Variants in COL12A1 observed in about 807,000 individuals in gnomAD.
COL12A1 encodes the protein collagen alpha-1(XII) chain.
In COL12A1, 114 loss-of-function variants were observed where a neutral mutation model predicts 349.7. The ratio of observed to expected loss-of-function variants is 0.33; its 90% CI spans 0.28 to 0.38. The LOEUF (loss-of-function observed/expected upper bound fraction) is 0.38, where lower values mean the gene tolerates loss of function less well. COL12A1 is among the 10% of genes least tolerant of loss of function. The probability of loss-of-function intolerance (pLI) is 1.00; values close to 1 mark genes in which losing one functional copy is unlikely to be tolerated. For missense variants in COL12A1, 3,284 were observed against 3,756.9 expected, an observed-to-expected ratio of 0.87 and a Z score of 3.29; for synonymous variants, 1,369 against 1,329.0, an observed-to-expected ratio of 1.03 and a Z score of -0.66.
intron 3 of COL12A1, among the ~76,000 whole-genome samples, chr6:75,194,481 C>T (rs1770116878): frequency 6.6e-6 from 1 of 152,018 alleles, no homozygotes; most frequent in Non-Finnish European, 1.5e-5. Flanking sequence ...TCAGCTGATA[C>T]TTTAAATGTT....
Position 75,131,949 on chromosome 6 carries a change from G to C in COL12A1, c.5928C>G (p.Pro1976=). Residue 1976 remains proline (P), a synonymous_variant, in exon 35 of 66, where the codon CCC becomes CCG. Coordinates refer to ENST00000322507, the MANE Select transcript of COL12A1 (RefSeq NM_004370.6). ...VVYSPVDGTR[P]SESIVVPGNT... is the part of the protein sequence containing the mutation. ...TGACAAAATTACTTACAGATTCTGA[G>C]GGTCTTGTGCCATCCACAGGAGAAT... 6.2e-7 allele frequency: 1 copy of C among 1,613,592 alleles called. No individual in the cohort carries two copies. Among genetic ancestry groups the C allele is most frequent in the East Asian group, 2.2e-5 (1 of 44,854 alleles).
At chr6:75,136,674 T>C (rs1006824435) in intron 31 of COL12A1, among the ~76,000 whole-genome samples, 2 of 152,208 alleles carry the variant, frequency 1.3e-5, no homozygotes, top group African/African-American at 4.8e-5. Flanking sequence ...GAGATTTATT[T>C]TGAAATGAAT....
In COL12A1 at chr6:75,138,940, T is replaced by A. The variant is rs1766759660; in HGVS notation, c.4979A>T (p.Asn1660Ile). 2 of 1,614,038 alleles carry A rather than the reference T, an allele frequency of 1.2e-6. No individual in the cohort carries two copies. The highest frequency in any genetic ancestry group is 8.5e-7 in the Non-Finnish European group (1 of 1,179,934). Residue 1660 changes from asparagine to isoleucine, a missense_variant, in exon 28 of 66, where the codon AAC (asparagine) becomes ATC (isoleucine). Around this residue, in one of 2 missense-constraint regions of COL12A1, gnomAD observed 2,601 missense variants for 2,824.8 expected, o/e 0.92. Transcript: ENST00000322507. ...ETTRPVPAPT[N>I]LKITEVTSEG... ...TGATGTTACTTCAGTAATCTTTAAG[T>A]TTGTTGGGGCTGGCACGGGTCCTAT... is the stretch of plus-strand genomic sequence containing the variant.
chr6:75,121,922 T>C (rs1765752356), intron 43 of COL12A1, among the ~76,000 whole-genome samples: 1 of 151,446 alleles, frequency 6.6e-6, no homozygotes, highest in African/African-American at 2.4e-5. Context: ...AGTGGTGTGA[T>C]GATCTTGGCT....
intron 13 of COL12A1, among the ~76,000 whole-genome samples, chr6:75,169,078 C>T (rs1375258966): frequency 1.3e-5 from 2 of 152,096 alleles, no homozygotes; most frequent in African/African-American, 4.8e-5. Context: ...CATCTTGTCT[C>T]GACAGGAAAT....
intron 49 of COL12A1, among the ~76,000 whole-genome samples, chr6:75,114,924 T>C (rs1769003771): frequency 6.6e-6 from 1 of 152,086 alleles, no homozygotes; most frequent in Non-Finnish European, 1.5e-5. Context: ...AATCATACGC[T>C]GAGCTGACTG....
intron 11 of COL12A1, among the ~76,000 whole-genome samples, chr6:75,180,571 C>CATATATATATATATATATAT (rs1014346865): frequency 6.6e-6 from 1 of 150,728 alleles, no homozygotes; most frequent in African/African-American, 2.5e-5. Flanking sequence ...CCTATATATA[C>CATATATATATATATATATAT]ATATATATAT....
chr6:75,129,850 T>G (rs1397957126), intron 37 of COL12A1, among the ~76,000 whole-genome samples: 2 of 152,226 alleles, frequency 1.3e-5, no homozygotes, highest in Non-Finnish European at 2.9e-5. Flanking sequence ...TGTGATAAGA[T>G]AGTTTTTCTA....
At chr6:75,141,725 G>A (rs1031549720) in intron 27 of COL12A1, among the ~76,000 whole-genome samples, 3 of 152,060 alleles carry the variant, frequency 2.0e-5, no homozygotes, top group African/African-American at 4.8e-5. Flanking sequence ...TGCAACATAC[G>A]TCAAGAAAAC....
In COL12A1 at chr6:75,142,154, AC is replaced by A. The variant is rs1334083083; in HGVS notation, c.4834del (p.Val1612TrpfsTer35). ...GGAAGTGCTGGTCTCTGATCTGTCC[AC>A]CTCTACCTATAACAGTAACAGAGCA... Reference protein sequence around the residue: ...TPEEDVKEVEVDRSETSTSLK... With the variant: ...TPEEDVKEVEXDRSETSTSLK... On this transcript the variant is annotated frameshift_variant, in exon 27 of 66. Coordinates refer to ENST00000322507, the MANE Select transcript of COL12A1 (RefSeq NM_004370.6). LOFTEE classifies it high-confidence loss of function. 6.2e-7 allele frequency: 1 copy of A among 1,613,920 alleles called. No individual in the cohort carries two copies. The highest frequency in any genetic ancestry group is 8.5e-7 in the Non-Finnish European group (1 of 1,179,954).
chr6:75,095,251 C>T (rs140995588), intron 59 of COL12A1, 72 bp from the exon 60 acceptor site: 5 of 1,174,342 alleles, frequency 4.3e-6, no homozygotes, highest in Admixed American at 4.1e-5. Context: ...ATGAATACAG[C>T]CTGTTTTAAA....
chr6:75,097,608 C>T (rs987035298), intron 58 of COL12A1, among the ~76,000 whole-genome samples: 1 of 152,132 alleles, frequency 6.6e-6, no homozygotes, highest in African/African-American at 2.4e-5. Context: ...AAGGCAGATT[C>T]CCTTCATGAA....
chr6:75,164,548 G>C (rs987713541), intron 14 of COL12A1, among the ~76,000 whole-genome samples: 2 of 152,126 alleles, frequency 1.3e-5, no homozygotes, highest in African/African-American at 4.8e-5. Context: ...GCTTTGGTTT[G>C]GTTTCAATTG....
chr6:75,097,305 C>A lies in COL12A1; in HGVS notation c.8525G>T (p.Gly2842Val), dbSNP rs1486972768. 1 of 1,612,156 alleles carries A rather than the reference C, an allele frequency of 6.2e-7. No homozygotes were observed. The highest frequency in any genetic ancestry group is 1.1e-5 in the South Asian group (1 of 90,772). The change falls in exon 59 of 66, where the codon GGC becomes GTC. Residue 2842 changes from glycine (G) to valine (V), a missense_variant and splice_region_variant. Gly to Val is a moderately radical substitution (Grantham distance 109). This residue lies in a region of COL12A1 where 683 missense variants were observed against 932.1 expected (regional missense o/e 0.73). Coordinates refer to ENST00000322507, the MANE Select transcript of COL12A1 (RefSeq NM_004370.6). ...CATTGCACCGTCTTTTCCAGTGAAG[C>A]CCTATTGTAAAAATGAAAGTAATTA... The part of the protein sequence containing the change: ...PGPMGPPGDR[G>V]FTGKDGAMGP...
At chr6:75,127,792 T>C (rs539646921) in intron 38 of COL12A1, among the ~76,000 whole-genome samples, 2 of 152,306 alleles carry the variant, frequency 1.3e-5, no homozygotes, top group African/African-American at 4.8e-5. Flanking sequence ...GGTCTGAACA[T>C]TGATAATTCT....
intron 59 of COL12A1, among the ~76,000 whole-genome samples, chr6:75,096,173 T>C (rs1284328177): frequency 6.6e-6 from 1 of 152,186 alleles, no homozygotes; most frequent in East Asian, 1.9e-4. Flanking sequence ...TATGTCATGT[T>C]CTAAAGCCTA....
intron 60 of COL12A1, among the ~76,000 whole-genome samples, chr6:75,092,583 T>TCAGGTAATGTCCCATACCAAAC (rs145809285): frequency 0.092 from 13,998 of 151,918 alleles, 1,356 homozygotes; most frequent in African/African-American, 0.24. Flanking sequence ...CATTGACAAA[T>TCAGGTAATGTCCCATACCAAAC]CACTTCTCAC....
At chr6:75,098,513 G>T (rs1464740598) in intron 58 of COL12A1, among the ~76,000 whole-genome samples, 1 of 152,172 alleles carries the variant, frequency 6.6e-6, no homozygotes, top group Admixed American at 6.5e-5. Flanking sequence ...AAAAAAAGTA[G>T]CCAAGCATGG....
chr6:75,174,429 G>A lies in COL12A1; in HGVS notation c.2710+609C>T, dbSNP rs574272708. On this transcript the variant is annotated intron_variant, in intron 13 of 65. Coordinates refer to ENST00000322507, the MANE Select transcript of COL12A1 (RefSeq NM_004370.6). ...AAATTAGCCAGGCGTGGTGGCGGGC[G>A]CCTGTAGTCCCAGCTACTTGGGATG... Among the ~76,000 whole-genome samples, 158 of 152,226 alleles carry A rather than the reference G, an allele frequency of 1.0e-3. No individual in the cohort carries two copies. The South Asian group carries it at 0.011, about 11-fold the overall frequency.
Sources: gnomAD v4.1 joint callset for allele counts (sites outside exome capture counted in the v4.1 genomes callset) on GRCh38, gnomAD v4.1.1 for gene constraint, gnomAD v4.1.1 regional missense constraint, MANE v1.5 for transcripts, NCBI Gene and HGNC (gene_info 2026-07-23, HGNC 2026-07-21) for gene names.